Variants in MAPK4 observed in about 807,000 individuals in gnomAD.
The protein encoded by MAPK4 is Erk3-related.
MAPK4 carries 22 observed loss-of-function variants against 47.7 expected under a neutral mutation model. The ratio of observed to expected loss-of-function variants is 0.46; its 90% CI spans 0.33 to 0.66. MAPK4 has a LOEUF of 0.66. Among genes scored for constraint, MAPK4 ranks in the 30% least tolerant of loss-of-function variants. The pLI is 0.02. For missense variants in MAPK4, 736 were observed against 831.7 expected (o/e 0.88, Z 1.42); for synonymous variants, 390 against 365.7 (o/e 1.07, Z -0.76).
intron 1 of MAPK4, among the ~76,000 whole-genome samples, chr18:50,618,870 C>T (rs1029702179): frequency 4.6e-5 from 7 of 152,000 alleles, no homozygotes; most frequent in African/African-American, 1.4e-4. Flanking sequence ...GCAGACTGTG[C>T]CCCCGAGAAT....
At chr18:50,632,199 C>T (rs553734529) in intron 1 of MAPK4, among the ~76,000 whole-genome samples, 6 of 152,244 alleles carry the variant, frequency 3.9e-5, no homozygotes, top group East Asian at 1.9e-4. Context: ...CCTGGGGCGG[C>T]GGCCTCCTCT....
At chr18:50,582,955 G>A (rs4939637) in intron 1 of MAPK4, among the ~76,000 whole-genome samples, 104,980 of 152,158 alleles carry the variant, frequency 0.69, 36,499 homozygotes, top group East Asian at 0.75. Flanking sequence ...AGTGAGTGGA[G>A]GCATATTACA....
intron 1 of MAPK4, among the ~76,000 whole-genome samples, chr18:50,641,806 A>C (rs982025198): frequency 3.3e-5 from 5 of 152,242 alleles, no homozygotes; most frequent in Admixed American, 6.5e-5. Flanking sequence ...TTTATAACTA[A>C]ATAGTTAAAA....
intron 1 of MAPK4, among the ~76,000 whole-genome samples, chr18:50,624,837 G>A (rs528444857): frequency 5.9e-5 from 9 of 152,158 alleles, no homozygotes; most frequent in African/African-American, 2.2e-4. Flanking sequence ...GCCTGGTACA[G>A]CTGCCTGGGA....
At chr18:50,602,661 G>T (rs540754174) in intron 1 of MAPK4, among the ~76,000 whole-genome samples, 2 of 152,308 alleles carry the variant, frequency 1.3e-5, no homozygotes, top group South Asian at 4.1e-4. Flanking sequence ...ATACCAGAGG[G>T]TTTGTAAATT....
At chr18:50,565,252 G>A (rs1354497894) in intron 1 of MAPK4, among the ~76,000 whole-genome samples, 4 of 152,136 alleles carry the variant, frequency 2.6e-5, no homozygotes, top group Non-Finnish European at 2.9e-5. Context: ...CTTCTGTATC[G>A]TCAGCAGCCC....
intron 1 of MAPK4, among the ~76,000 whole-genome samples, chr18:50,599,133 T>A (rs545942470): frequency 6.6e-6 from 1 of 152,330 alleles, no homozygotes; most frequent in East Asian, 1.9e-4. Flanking sequence ...TAGATTAATA[T>A]GATTTGAACA....
intron 1 of MAPK4, among the ~76,000 whole-genome samples, chr18:50,575,866 A>T (rs1258578503): frequency 6.6e-6 from 1 of 152,094 alleles, no homozygotes; most frequent in Non-Finnish European, 1.5e-5. Flanking sequence ...AAGAAGACAT[A>T]CATGTGGCAA....
Position 50,634,965 on chromosome 18 carries a change from C to T in MAPK4, c.-870-28124C>T, listed in dbSNP as rs114025651. On this transcript the variant is annotated intron_variant, in intron 1 of 5. Transcript: ENST00000400384. ...CTTAGACATCCCTATGCTCAGTTGG[C>T]GCTCCAGACCAATCAACTGAGACTC... is the stretch of plus-strand genomic sequence containing the variant. 3.3e-3 allele frequency among the ~76,000 whole-genome samples: 498 copies of T among 152,278 alleles called. 7 individuals are homozygous for T. Among genetic ancestry groups the T allele is most frequent in the African/African-American group, 0.011 (473 of 41,536 alleles).
Position 50,640,067 on chromosome 18 carries a change from A to T in MAPK4, c.-870-23022A>T, listed in dbSNP as rs2276183. Among the ~76,000 whole-genome samples, 21 of 152,348 alleles carry T rather than the reference A, an allele frequency of 1.4e-4. No individual in the cohort carries two copies. In the East Asian group the frequency reaches 4.1e-3, roughly 29 times the overall value. On this transcript the variant is annotated intron_variant, in intron 1 of 5. Transcript: ENST00000400384. ...TTAGAGCAAGATATTCATCTCAGGA[A>T]CTGTGAGCATAGACCAGTGTTATTT... is the stretch of plus-strand genomic sequence containing the variant.
chr18:50,605,446 G>A (rs982784669), intron 1 of MAPK4, among the ~76,000 whole-genome samples: 2 of 152,198 alleles, frequency 1.3e-5, no homozygotes, highest in African/African-American at 4.8e-5. Flanking sequence ...TCTCCTAGAG[G>A]TGGGTCCTCT....
chr18:50,718,712 C>A (rs1801798064), intron 3 of MAPK4, among the ~76,000 whole-genome samples: 1 of 152,140 alleles, frequency 6.6e-6, no homozygotes, highest in African/African-American at 2.4e-5. Context: ...ATTTAAAATA[C>A]ATGCTATATA....
chr18:50,694,780 C>T (rs1158394876), intron 2 of MAPK4, among the ~76,000 whole-genome samples: 1 of 152,162 alleles, frequency 6.6e-6, no homozygotes, highest in Non-Finnish European at 1.5e-5. Flanking sequence ...TACTCTGCAT[C>T]CACACCAACC....
At chr18:50,722,207 C>A in intron 4 of MAPK4, 108 bp downstream of exon 4, 1 of 1,277,144 alleles carries the variant, frequency 7.8e-7, no homozygotes, top group African/African-American at 1.5e-5. Flanking sequence ...AAGCATGGTC[C>A]TTGGATATAA....
At chr18:50,727,697 C>A (rs1044581246) in intron 5 of MAPK4, among the ~76,000 whole-genome samples, 3 of 152,148 alleles carry the variant, frequency 2.0e-5, no homozygotes, top group Admixed American at 6.5e-5. Flanking sequence ...TGCCTGTCCA[C>A]CCTGACCACC....
In MAPK4 at chr18:50,577,715, C is replaced by T. The variant is rs565948395; in HGVS notation, c.-871+17472C>T. On this transcript the variant is annotated intron_variant, in intron 1 of 5. Transcript: ENST00000400384. Reference sequence around the variant, plus strand: ...GCATTTCTGGTTCTTTGGACATTTCCGTAGGCCTGAATATGTTATGCTGTG... The same window carrying T: ...GCATTTCTGGTTCTTTGGACATTTCTGTAGGCCTGAATATGTTATGCTGTG... Among the ~76,000 whole-genome samples the T allele has an allele frequency of 7.2e-5, 11 of 152,216 alleles. No homozygotes were observed. In the South Asian group the frequency reaches 1.0e-3, roughly 14 times the overall value.
At chr18:50,697,363 T>C (rs927476109) in intron 2 of MAPK4, among the ~76,000 whole-genome samples, 56 of 152,180 alleles carry the variant, frequency 3.7e-4, no homozygotes, top group Admixed American at 3.7e-3. Flanking sequence ...CACTGCTCTG[T>C]CCCAGCACCC....
chr18:50,703,877 C>G (rs2144392627), intron 2 of MAPK4, among the ~76,000 whole-genome samples: 1 of 152,322 alleles, frequency 6.6e-6, no homozygotes, highest in Non-Finnish European at 1.5e-5. Context: ...TCAGGAAACA[C>G]TACCTTACTA....
intron 1 of MAPK4, among the ~76,000 whole-genome samples, chr18:50,593,109 A>G (rs1156791199): frequency 6.6e-6 from 1 of 152,232 alleles, no homozygotes; most frequent in Non-Finnish European, 1.5e-5. Flanking sequence ...TGGGACTGGA[A>G]CACAGGCAAC....
Sources: allele counts gnomAD v4.1 joint callset (sites outside exome capture counted in the v4.1 genomes callset), GRCh38; gene constraint gnomAD v4.1.1; transcripts MANE v1.5; gene names NCBI Gene and HGNC (gene_info 2026-07-23, HGNC 2026-07-21).